NECAB2: variants seen among roughly 807,000 people sequenced by gnomAD.
NECAB2 encodes the protein N-terminal EF-hand calcium binding protein 2.
A neutral mutation model predicts 51.9 loss-of-function variants in NECAB2; 68 were observed. The ratio of observed to expected loss-of-function variants is 1.31; its 90% CI spans 1.08 to 1.60. NECAB2 has a LOEUF of 1.60. NECAB2 is among the 40% of genes most tolerant of loss of function. The pLI, the probability that NECAB2 is intolerant of heterozygous loss-of-function variation, is 0.00. For missense variants in NECAB2, 854 were observed against 490.3 expected, an observed-to-expected ratio of 1.74 and a Z score of -7.00; for synonymous variants, 329 against 203.5, an observed-to-expected ratio of 1.62 and a Z score of -5.25.
upstream of NECAB2, chr16:83,965,723 G>C (rs760586772): frequency 1.2e-6 from 2 of 1,613,662 alleles, no homozygotes; most frequent in South Asian, 1.1e-5. Flanking sequence ...CGAGGGTGTC[G>C]AGAAGGTGTT....
intron 10 of NECAB2, among the ~76,000 whole-genome samples, chr16:83,999,571 C>T (rs1039246097): frequency 6.6e-6 from 1 of 152,130 alleles, no homozygotes; most frequent in East Asian, 1.9e-4. Context: ...AGCACTGTAG[C>T]CCCTCCTCCC....
intron 2 of NECAB2, among the ~76,000 whole-genome samples, chr16:83,977,081 C>T (rs78714365): frequency 1.8e-3 from 281 of 152,342 alleles, no homozygotes; most frequent in African/African-American, 6.5e-3. Flanking sequence ...CTCATCCTCT[C>T]GGCAGAGAAA....
At chr16:83,991,813 G>T (rs1229978915) in intron 6 of NECAB2, among the ~76,000 whole-genome samples, 2 of 141,786 alleles carry the variant, frequency 1.4e-5, no homozygotes, top group Non-Finnish European at 3.0e-5. Flanking sequence ...CCCACACCCA[G>T]CTATTTTTTT....
At chr16:83,979,740 G>A (rs1166100913) in intron 3 of NECAB2, among the ~76,000 whole-genome samples, 3 of 145,908 alleles carry the variant, frequency 2.1e-5, no homozygotes, top group Non-Finnish European at 4.5e-5. Context: ...AACTGTGAGA[G>A]TACGTGTGGG....
intron 2 of NECAB2, among the ~76,000 whole-genome samples, chr16:83,974,858 G>A (rs2016027): frequency 0.25 from 35,562 of 141,606 alleles, 8,582 homozygotes; most frequent in African/African-American, 0.69. Flanking sequence ...AAGAATGAGA[G>A]CAGGTGTGCA....
At chr16:83,995,834 C>G (rs1048300930) in intron 8 of NECAB2, among the ~76,000 whole-genome samples, 3 of 152,190 alleles carry the variant, frequency 2.0e-5, no homozygotes, top group Non-Finnish European at 4.4e-5. Flanking sequence ...GGAGTTACCC[C>G]CTTCCTGAAG....
rs376240165 is a variant in NECAB2, at chr16:84,001,818, G to A, written c.1041-7G>A. The A allele has an allele frequency of 1.4e-4, 220 of 1,613,768 alleles. No homozygotes were observed. The highest frequency in any genetic ancestry group is 1.6e-4 in the East Asian group (7 of 44,884). ...ACCCCTGACTCACACATGTCCCTGC[G>A]TCACAGGCACCTGCAGAGCCCCCTG... is the stretch of plus-strand genomic sequence containing the variant. On this transcript the variant is annotated splice_polypyrimidine_tract_variant and splice_region_variant and intron_variant, in intron 11 of 12. Coordinates refer to ENST00000305202, the MANE Select transcript of NECAB2 (RefSeq NM_019065.3).
In NECAB2 at chr16:83,973,523, G is replaced by A. The variant is rs75690475; in HGVS notation, c.226+1348G>A. On this transcript the variant is annotated intron_variant, in intron 2 of 12. Coordinates refer to ENST00000305202, the MANE Select transcript of NECAB2 (RefSeq NM_019065.3). Reference sequence around the variant, plus strand: ...GGAGCAGAGGAGGAATAAGAGGGACGTAGGGAGATGAAGTGGCTCTGGAAA... The same window carrying A: ...GGAGCAGAGGAGGAATAAGAGGGACATAGGGAGATGAAGTGGCTCTGGAAA... 7.2e-3 allele frequency among the ~76,000 whole-genome samples: 1,095 copies of A among 152,282 alleles called. 12 individuals are homozygous for A. The highest frequency in any genetic ancestry group is 0.025 in the African/African-American group (1,058 of 41,546).
chr16:83,969,321 C>A (rs1255328578), intron 1 of NECAB2, among the ~76,000 whole-genome samples: 1 of 152,080 alleles, frequency 6.6e-6, no homozygotes, highest in Non-Finnish European at 1.5e-5. Flanking sequence ...AGACCCTGAG[C>A]CCCCGTTCAT....
chr16:83,993,883 C>A (rs935301444), intron 6 of NECAB2, among the ~76,000 whole-genome samples: 3 of 152,120 alleles, frequency 2.0e-5, no homozygotes, highest in African/African-American at 7.2e-5. Context: ...ACCAGGTCCC[C>A]CACCCCAGAG....
chr16:83,998,462 C>G (rs1334905367), intron 10 of NECAB2, 145 bp downstream of exon 10: 2 of 738,778 alleles, frequency 2.7e-6, no homozygotes, highest in African/African-American at 1.8e-5. Flanking sequence ...GAAGTGGGTT[C>G]AGGTCTCTAC....
chr16:83,992,377 T>TTCCCCCCC (rs1555548086), intron 6 of NECAB2, among the ~76,000 whole-genome samples: 5 of 133,046 alleles, frequency 3.8e-5, no homozygotes, highest in African/African-American at 1.3e-4. Flanking sequence ...CGAGCACCCG[T>TTCCCCCCC]CCCCCCGCCC....
rs148958884 is a variant in NECAB2 at position 83,997,619 on chromosome 16, C to T, written c.849+350C>T. ...TCTCCTGCCTCAGCCTCCTGAGTAG[C>T]TGGGATTACAGGTGTGTGCCACCAC... On this transcript the variant is annotated intron_variant, in intron 9 of 12. Transcript: ENST00000305202. 2.8e-3 allele frequency among the ~76,000 whole-genome samples: 418 copies of T among 150,426 alleles called. 3 individuals are homozygous for T. The highest frequency in any genetic ancestry group is 9.7e-3 in the African/African-American group (396 of 40,902).
At chr16:83,977,692 G>A (rs1461475662) in intron 2 of NECAB2, among the ~76,000 whole-genome samples, 2 of 152,170 alleles carry the variant, frequency 1.3e-5, no homozygotes, top group Non-Finnish European at 2.9e-5. Flanking sequence ...GCATGGCTTG[G>A]CATCTAGATG....
At chr16:83,991,027 C>T (rs1433356289) in intron 6 of NECAB2, among the ~76,000 whole-genome samples, 3 of 152,056 alleles carry the variant, frequency 2.0e-5, no homozygotes, top group Non-Finnish European at 4.4e-5. Flanking sequence ...GCTCTGTCGC[C>T]CAGGAGTGCA....
intron 3 of NECAB2, among the ~76,000 whole-genome samples, chr16:83,980,085 GC>G (rs1480706252): frequency 1.3e-5 from 2 of 152,222 alleles, no homozygotes; most frequent in Non-Finnish European, 2.9e-5. Flanking sequence ...GCTTTGCTGA[GC>G]CTGGGCTCCA....
At chr16:84,000,643 C>G (rs956213757) in intron 10 of NECAB2, 81 bp from the exon 11 acceptor site, 11 of 1,246,166 alleles carry the variant, frequency 8.8e-6, no homozygotes, top group African/African-American at 7.3e-5. Context: ...AGTGGTGGGT[C>G]TCAGGCCACC....
chr16:83,978,280 A>G (rs2084439719), intron 2 of NECAB2, among the ~76,000 whole-genome samples, 164 bp from the exon 3 acceptor site: 1 of 151,932 alleles, frequency 6.6e-6, no homozygotes, highest in African/African-American at 2.4e-5. Context: ...CTAAAATGGA[A>G]TTTGTCTTTT....
intron 7 of NECAB2, 55 bp downstream of exon 7, chr16:83,994,475 C>G (rs1476342230): frequency 2.5e-6 from 4 of 1,597,868 alleles, no homozygotes; most frequent in Admixed American, 1.7e-5. Flanking sequence ...CCGAGGAGTT[C>G]TGAGAGTCCT....
Sources: gnomAD v4.1 joint callset for allele counts (sites outside exome capture counted in the v4.1 genomes callset) on GRCh38, gnomAD v4.1.1 for gene constraint, MANE v1.5 for transcripts, NCBI Gene and HGNC (gene_info 2026-07-23, HGNC 2026-07-21) for gene names.